OR8K1: variants seen among roughly 807,000 people sequenced by gnomAD.
OR8K1 encodes the protein olfactory receptor 8K1.
For missense variants in OR8K1, 417 were observed against 374.0 expected (o/e 1.11, Z -0.95); for synonymous variants, 157 against 139.4 (o/e 1.13, Z -0.89).
chr11:56,346,920 G>T lies in OR8K1; in HGVS notation c.882G>T (p.Leu294Phe), dbSNP rs754943751. The change falls in exon 1 of 1, where the codon TTG (leucine) becomes TTT (phenylalanine). Residue 294 changes from leucine to phenylalanine, a missense_variant. Leu to Phe is a conservative substitution (Grantham distance 22). Transcript: ENST00000279783. ...TGTTGATTCCTATGCTGAATCCGTT[G>T]ATCTACAGCCTAAGGAACAAAGAAG... ...YTLLIPMLNP[L>F]IYSLRNKEVK... The T allele has an allele frequency of 5.6e-6, 9 of 1,612,958 alleles. 1 individual carries two copies. Among genetic ancestry groups the T allele is most frequent in the Non-Finnish European group, 4.2e-6 (5 of 1,179,308 alleles).
In OR8K1 at chr11:56,346,242, C is replaced by T; in HGVS notation, c.204C>T (p.Phe68=). Residue 68 remains phenylalanine, a synonymous_variant, in exon 1 of 1, where the codon TTC becomes TTT. Coordinates refer to ENST00000279783, the MANE Select transcript of OR8K1 (RefSeq NM_001002907.1). The stretch of plus-strand genomic sequence containing the variant: ...AGCTACACACCCCCATGTACTTTTT[C>T]CTTAGACATTTGTCAATCACTGATC... The part of the protein sequence containing the change: ...DSKLHTPMYF[F]LRHLSITDLG... 2.5e-6 allele frequency: 4 copies of T among 1,614,124 alleles called. No individual in the cohort carries two copies. The highest frequency in any genetic ancestry group is 3.4e-6 in the Non-Finnish European group (4 of 1,180,016).
At position 56,346,503 on chromosome 11, in the gene OR8K1, T is replaced by C. The variant is rs373186287; in HGVS notation, c.465T>C (p.Tyr155=). The change falls in exon 1 of 1, where the codon TAT becomes TAC. Residue 155 remains tyrosine (Y), a synonymous_variant. Coordinates refer to ENST00000279783, the MANE Select transcript of OR8K1 (RefSeq NM_001002907.1). ...KVLWVLVIVP[Y]LYSTFVSLFL... is the part of the protein sequence containing the mutation. ...TTTGGGTGCTGGTAATTGTTCCCTA[T>C]CTCTATAGCACGTTTGTGTCACTAT... The C allele has an allele frequency of 3.1e-6, 5 of 1,613,946 alleles. No individual in the cohort carries two copies. Among genetic ancestry groups the C allele is most frequent in the East Asian group, 4.5e-5 (2 of 44,880 alleles).
At position 56,346,378 on chromosome 11, in the gene OR8K1, A is replaced by G; in HGVS notation, c.340A>G (p.Ile114Val). ...TCAGCTAGCATTCTTTGAGATTTTC[A>G]TCATCTCTGAGCTCTTTATTCTATC... ...ATQLAFFEIF[I>V]ISELFILSAM... is the part of the protein sequence containing the mutation. Residue 114 changes from isoleucine to valine, a missense_variant, in exon 1 of 1, where the codon ATC becomes GTC. Ile to Val is a conservative substitution (Grantham distance 29). Transcript: ENST00000279783. 1.2e-6 allele frequency: 2 copies of G among 1,614,064 alleles called. No homozygotes were observed. The highest frequency in any genetic ancestry group is 4.5e-5 in the East Asian group (2 of 44,864).
In OR8K1 at chr11:56,346,286, T is replaced by C. The variant is rs774466369; in HGVS notation, c.248T>C (p.Ile83Thr). Residue 83 changes from isoleucine (I) to threonine (T), a missense_variant, in exon 1 of 1, where the codon ATT becomes ACT. By Grantham distance (89) the Ile-to-Thr change is moderately conservative. Transcript: ENST00000279783. ...ACTGATCTTGGTTACTCCACTGTCA[T>C]TGCCCCGAAGATGTTAGTAAACTTC... is the stretch of plus-strand genomic sequence containing the variant. ...SITDLGYSTVIAPKMLVNFIV... is the reference protein window; with the variant it reads ...SITDLGYSTVTAPKMLVNFIV... The C allele has an allele frequency of 1.2e-6, 2 of 1,614,106 alleles. No homozygotes were observed. Among genetic ancestry groups the C allele is most frequent in the Admixed American group, 3.3e-5 (2 of 60,000 alleles).
In OR8K1 at chr11:56,346,213, T is replaced by G. The variant is rs1854827695; in HGVS notation, c.175T>G (p.Ser59Ala). ...LGMVILTYLDSKLHTPMYFFL... is the reference protein window; with the variant it reads ...LGMVILTYLDAKLHTPMYFFL... ...CATGGTTATCTTGACCTACTTGGACTCCAAGCTACACACCCCCATGTACTT... is the reference window on the plus strand; with the variant it reads ...CATGGTTATCTTGACCTACTTGGACGCCAAGCTACACACCCCCATGTACTT... Residue 59 changes from serine (S) to alanine (A), a missense_variant, in exon 1 of 1, where the codon TCC becomes GCC. Transcript: ENST00000279783. The G allele has an allele frequency of 6.2e-7, 1 of 1,613,916 alleles. No homozygotes were observed. The highest frequency in any genetic ancestry group is 1.1e-5 in the South Asian group (1 of 91,084).
chr11:56,346,482 G>A lies in OR8K1; in HGVS notation c.444G>A (p.Trp148Ter), dbSNP rs748411196. 6.2e-7 allele frequency: 1 copy of A among 1,613,872 alleles called. No homozygotes were observed. Among genetic ancestry groups the A allele is most frequent in the South Asian group, 1.1e-5 (1 of 91,056 alleles). The change falls in exon 1 of 1, where the codon TGG (tryptophan) becomes TGA (stop). Residue 148 changes from tryptophan (W) to a stop codon, truncating the protein, a stop_gained. Coordinates refer to ENST00000279783, the MANE Select transcript of OR8K1 (RefSeq NM_001002907.1). LOFTEE classifies it low-confidence loss of function (END_TRUNC). ...TCATCATGGCAGAGAAAGTACTTTG[G>A]GTGCTGGTAATTGTTCCCTATCTCT... is the stretch of plus-strand genomic sequence containing the variant. ...YVIIMAEKVL[W>*]VLVIVPYLYS...
rs1027944269 is a variant in OR8K1, at chr11:56,346,212, C to T, written c.174C>T (p.Asp58=). The part of the protein sequence containing the change: ...NLGMVILTYL[D]SKLHTPMYFF... ...GCATGGTTATCTTGACCTACTTGGA[C>T]TCCAAGCTACACACCCCCATGTACT... The change falls in exon 1 of 1, where the codon GAC becomes GAT. Residue 58 remains aspartate, a synonymous_variant. Transcript: ENST00000279783. 3 of 1,614,008 alleles carry T rather than the reference C, an allele frequency of 1.9e-6. No homozygotes were observed. In the African/African-American group the frequency reaches 4.0e-5, roughly 22 times the overall value.
chr11:56,346,449 G>C lies in OR8K1; in HGVS notation c.411G>C (p.Leu137=), dbSNP rs1565116787. The change falls in exon 1 of 1, where the codon CTG becomes CTC. Residue 137 remains leucine, a synonymous_variant. Coordinates refer to ENST00000279783, the MANE Select transcript of OR8K1 (RefSeq NM_001002907.1). Reference sequence around the variant, plus strand: ...ACGTAGCCATCTGTAAACCTCTTCTGTACGTGATCATCATGGCAGAGAAAG... The same window carrying C: ...ACGTAGCCATCTGTAAACCTCTTCTCTACGTGATCATCATGGCAGAGAAAG... ...DRYVAICKPL[L]YVIIMAEKVL... 6.2e-7 allele frequency: 1 copy of C among 1,613,990 alleles called. No individual in the cohort carries two copies. Among genetic ancestry groups the C allele is most frequent in the Non-Finnish European group, 8.5e-7 (1 of 1,179,952 alleles).
rs776468383 is a variant in OR8K1 at position 56,346,415 on chromosome 11, A to G, written c.377A>G (p.Tyr126Cys). 3 of 1,614,156 alleles carry G rather than the reference A, an allele frequency of 1.9e-6. No individual in the cohort carries two copies. Among genetic ancestry groups the G allele is most frequent in the Non-Finnish European group, 2.5e-6 (3 of 1,180,026 alleles). The change falls in exon 1 of 1, where the codon TAT becomes TGT. Residue 126 changes from tyrosine to cysteine, a missense_variant. Physicochemically the swap from Tyr to Cys is radical, Grantham distance 194. Transcript: ENST00000279783. ...CTCTTTATTCTATCAGCAATGGCCT[A>G]TGATCGCTACGTAGCCATCTGTAAA... ...SELFILSAMA[Y>C]DRYVAICKPL...
chr11:56,346,788 T>A lies in OR8K1; in HGVS notation c.750T>A (p.His250Gln), dbSNP rs778815694. Residue 250 changes from histidine (H) to glutamine (Q), a missense_variant, in exon 1 of 1, where the codon CAT becomes CAA. Transcript: ENST00000279783. ...RYKAFSTCSS[H>Q]LTVVIMFYGT... ...AAGCCTTCTCCACCTGTAGCTCTCA[T>A]CTGACAGTGGTGATCATGTTCTATG... 4.3e-6 allele frequency: 7 copies of A among 1,614,026 alleles called. No individual in the cohort carries two copies. The highest frequency in any genetic ancestry group is 1.7e-6 in the Non-Finnish European group (2 of 1,179,904).
chr11:56,346,161 T>C lies in OR8K1; in HGVS notation c.123T>C (p.Tyr41=). Reference sequence around the variant, plus strand: ...TGTTTGGACTCTTCCTCATCATATATCTGGTCACAGTGATAGGCAATCTGG... The same window carrying C: ...TGTTTGGACTCTTCCTCATCATATACCTGGTCACAGTGATAGGCAATCTGG... ...APLFGLFLII[Y]LVTVIGNLGM... The change falls in exon 1 of 1, where the codon TAT becomes TAC. Residue 41 remains tyrosine (Y), a synonymous_variant. Transcript: ENST00000279783. 6.2e-7 allele frequency: 1 copy of C among 1,614,092 alleles called. No individual in the cohort carries two copies.
Position 56,346,716 on chromosome 11 carries a change from T to A in OR8K1, c.678T>A (p.Phe226Leu). The change falls in exon 1 of 1, where the codon TTT becomes TTA. Residue 226 changes from phenylalanine (F) to leucine (L), a missense_variant. Transcript: ENST00000279783. ...SLSIVLISYM[F>L]ILVAILRMNS... Reference sequence around the variant, plus strand: ...CAATTGTTCTCATATCCTACATGTTTATTCTAGTGGCCATTCTCAGAATGA... The same window carrying A: ...CAATTGTTCTCATATCCTACATGTTAATTCTAGTGGCCATTCTCAGAATGA... 1.2e-6 allele frequency: 2 copies of A among 1,613,862 alleles called. No individual in the cohort carries two copies. The highest frequency in any genetic ancestry group is 8.5e-7 in the Non-Finnish European group (1 of 1,179,780).
Position 56,346,212 on chromosome 11 carries a change from C to A in OR8K1, c.174C>A (p.Asp58Glu). Reference protein sequence around the residue: ...NLGMVILTYLDSKLHTPMYFF... With the variant: ...NLGMVILTYLESKLHTPMYFF... ...GCATGGTTATCTTGACCTACTTGGA[C>A]TCCAAGCTACACACCCCCATGTACT... is the stretch of plus-strand genomic sequence containing the variant. Residue 58 changes from aspartate to glutamate, a missense_variant, in exon 1 of 1, where the codon GAC (aspartate) becomes GAA (glutamate). Asp to Glu is a conservative substitution (Grantham distance 45). Coordinates refer to ENST00000279783, the MANE Select transcript of OR8K1 (RefSeq NM_001002907.1). 1.2e-6 allele frequency: 2 copies of A among 1,614,008 alleles called. No homozygotes were observed. Among genetic ancestry groups the A allele is most frequent in the South Asian group, 1.1e-5 (1 of 91,082 alleles).
Position 56,346,942 on chromosome 11 carries a change from GAA to G in OR8K1, c.905_906del (p.Glu302GlyfsTer?). 6.2e-7 allele frequency: 1 copy of G among 1,609,500 alleles called. No individual in the cohort carries two copies. The highest frequency in any genetic ancestry group is 1.3e-5 in the African/African-American group (1 of 74,800). On this transcript the variant is annotated frameshift_variant, in exon 1 of 1. Transcript: ENST00000279783. LOFTEE classifies it low-confidence loss of function (END_TRUNC). Reference protein sequence around the residue: ...NPLIYSLRNKEVKDALKRTLT... With the variant: ...NPLIYSLRNKXVKDALKRTLT... ...GTTGATCTACAGCCTAAGGAACAAA[GAA>G]GTAAAAGATGCTCTAAAGAGAACTT...
chr11:56,346,392 C>A lies in OR8K1; in HGVS notation c.354C>A (p.Leu118=). The change falls in exon 1 of 1, where the codon CTC becomes CTA. Residue 118 remains leucine (L), a synonymous_variant. Coordinates refer to ENST00000279783, the MANE Select transcript of OR8K1 (RefSeq NM_001002907.1). The part of the protein sequence containing the change: ...AFFEIFIISE[L]FILSAMAYDR... ...TTGAGATTTTCATCATCTCTGAGCTCTTTATTCTATCAGCAATGGCCTATG... is the reference window on the plus strand; with the variant it reads ...TTGAGATTTTCATCATCTCTGAGCTATTTATTCTATCAGCAATGGCCTATG... 1 of 1,614,064 alleles carries A rather than the reference C, an allele frequency of 6.2e-7. No homozygotes were observed. Among genetic ancestry groups the A allele is most frequent in the Non-Finnish European group, 8.5e-7 (1 of 1,180,012 alleles).
In OR8K1 at chr11:56,346,507, T is replaced by A; in HGVS notation, c.469T>A (p.Tyr157Asn). 1 of 1,614,098 alleles carries A rather than the reference T, an allele frequency of 6.2e-7. No homozygotes were observed. The highest frequency in any genetic ancestry group is 1.1e-5 in the South Asian group (1 of 91,082). ...GGTGCTGGTAATTGTTCCCTATCTCTATAGCACGTTTGTGTCACTATTTCT... is the reference window on the plus strand; with the variant it reads ...GGTGCTGGTAATTGTTCCCTATCTCAATAGCACGTTTGTGTCACTATTTCT... Reference protein sequence around the residue: ...LWVLVIVPYLYSTFVSLFLTI... With the variant: ...LWVLVIVPYLNSTFVSLFLTI... Residue 157 changes from tyrosine to asparagine, a missense_variant, in exon 1 of 1, where the codon TAT becomes AAT. Transcript: ENST00000279783.
chr11:56,346,592 G>C lies in OR8K1; in HGVS notation c.554G>C (p.Cys185Ser). 6.2e-7 allele frequency: 1 copy of C among 1,613,516 alleles called. No homozygotes were observed. The highest frequency in any genetic ancestry group is 8.5e-7 in the Non-Finnish European group (1 of 1,179,576). Residue 185 changes from cysteine to serine, a missense_variant, in exon 1 of 1, where the codon TGT (cysteine) becomes TCT (serine). Cys to Ser is a moderately radical substitution (Grantham distance 112). Transcript: ENST00000279783. ...TCAAACATAATCAGCTATTTTTACT[G>C]TGACTGTATCCCTCTGATGTCCATA... The part of the protein sequence containing the change: ...CGSNIISYFY[C>S]DCIPLMSILC...
In OR8K1 at chr11:56,346,312, ATAG is replaced by A; in HGVS notation, c.276_278del (p.Ile92_Val93delinsMet). On this transcript the variant is annotated inframe_deletion, in exon 1 of 1. Coordinates refer to ENST00000279783, the MANE Select transcript of OR8K1 (RefSeq NM_001002907.1). Reference sequence around the variant, plus strand: ...TGCCCCGAAGATGTTAGTAAACTTCATAGTGCACAAAAACACAATTTCTTACAA... The same window carrying A: ...TGCCCCGAAGATGTTAGTAAACTTCATGCACAAAAACACAATTTCTTACAA... The A allele has an allele frequency of 6.2e-7, 1 of 1,614,196 alleles. No individual in the cohort carries two copies. Among genetic ancestry groups the A allele is most frequent in the South Asian group, 1.1e-5 (1 of 91,082 alleles).
rs1350964624 is a variant in OR8K1 at position 56,346,299 on chromosome 11, G to A, written c.261G>A (p.Met87Ile). Residue 87 changes from methionine (M) to isoleucine (I), a missense_variant, in exon 1 of 1, where the codon ATG (methionine) becomes ATA (isoleucine). Met to Ile is a conservative substitution (Grantham distance 10). Transcript: ENST00000279783. Reference protein sequence around the residue: ...LGYSTVIAPKMLVNFIVHKNT... With the variant: ...LGYSTVIAPKILVNFIVHKNT... ...ACTCCACTGTCATTGCCCCGAAGAT[G>A]TTAGTAAACTTCATAGTGCACAAAA... The A allele has an allele frequency of 6.2e-7, 1 of 1,614,128 alleles. No homozygotes were observed. The highest frequency in any genetic ancestry group is 8.5e-7 in the Non-Finnish European group (1 of 1,180,034).
Sources: gnomAD v4.1 joint callset for allele counts on GRCh38, gnomAD v4.1.1 for gene constraint, MANE v1.5 for transcripts, NCBI Gene and HGNC (gene_info 2026-07-23, HGNC 2026-07-21) for gene names.